RIMS2: variants seen among roughly 807,000 people sequenced by gnomAD.
RIMS2 encodes the protein regulating synaptic membrane exocytosis 2.
A neutral mutation model predicts 174.4 loss-of-function variants in RIMS2; 59 were observed. That is an observed-to-expected ratio of 0.34 (90% CI 0.27 to 0.42). The LOEUF (loss-of-function observed/expected upper bound fraction) is 0.42, where lower values mean the gene tolerates loss of function less well. Ranked by LOEUF, RIMS2 falls within the 10% of genes least tolerant of loss-of-function variation. RIMS2 has a pLI of 1.00. For synonymous variants in RIMS2, 606 were observed against 572.5 expected, an observed-to-expected ratio of 1.06 and a Z score of -0.84; for missense variants, 1,620 against 1,666.3, an observed-to-expected ratio of 0.97 and a Z score of 0.48.
At chr8:103,611,899 CCA>C (rs1244883904) in intron 1 of RIMS2, among the ~76,000 whole-genome samples, 4 of 151,920 alleles carry the variant, frequency 2.6e-5, no homozygotes, top group Non-Finnish European at 5.9e-5. Flanking sequence ...TTCTTTAAGG[CCA>C]ATGATTCTTA....
chr8:104,073,716 G>A (rs537225247), intron 19 of RIMS2, among the ~76,000 whole-genome samples: 1 of 152,256 alleles, frequency 6.6e-6, no homozygotes, highest in East Asian at 1.9e-4. Flanking sequence ...GGAAAAGAAA[G>A]TTTGTCTCCA....
chr8:103,641,161 G>C (rs1434088450), intron 1 of RIMS2, among the ~76,000 whole-genome samples: 1 of 151,942 alleles, frequency 6.6e-6, no homozygotes, highest in Non-Finnish European at 1.5e-5. Flanking sequence ...AATTAATGTG[G>C]ATACTCTAGC....
intron 1 of RIMS2, among the ~76,000 whole-genome samples, chr8:103,687,834 C>A (rs1380826958): frequency 2.6e-5 from 4 of 152,102 alleles, no homozygotes; most frequent in African/African-American, 9.7e-5. Context: ...TAACAAATGA[C>A]AGGACTTCTT....
At chr8:103,594,451 T>G (rs1042706255) in intron 1 of RIMS2, among the ~76,000 whole-genome samples, 12 of 151,668 alleles carry the variant, frequency 7.9e-5, no homozygotes, top group African/African-American at 2.9e-4. Flanking sequence ...AAGGCATGTT[T>G]AAACAGAAAC....
intron 19 of RIMS2, among the ~76,000 whole-genome samples, chr8:104,208,159 C>G (rs1164971646): frequency 1.3e-5 from 2 of 151,888 alleles, no homozygotes; most frequent in African/African-American, 2.4e-5. Context: ...ATATTCCTGG[C>G]CAGAGATATA....
intron 16 of RIMS2, chr8:103,976,285 G>A (rs900499120): frequency 2.0e-5 from 3 of 152,130 alleles, no homozygotes; most frequent in African/African-American, 7.2e-5. Context: ...CCTATGTAAC[G>A]AGAGTAAAAT....
chr8:104,233,145 T>C (rs1448049270), intron 19 of RIMS2, among the ~76,000 whole-genome samples: 1 of 152,196 alleles, frequency 6.6e-6, no homozygotes, highest in African/African-American at 2.4e-5. Context: ...TTTAACTTTT[T>C]CTGCAGATTT....
intron 1 of RIMS2, among the ~76,000 whole-genome samples, chr8:103,597,738 T>A (rs74498944): frequency 2.0e-5 from 3 of 148,300 alleles, no homozygotes; most frequent in African/African-American, 5.0e-5. Flanking sequence ...TTTTTTTTTT[T>A]ATTCACCTGC....
intron 19 of RIMS2, among the ~76,000 whole-genome samples, chr8:104,076,171 T>C (rs918372741): frequency 1.1e-4 from 17 of 152,312 alleles, no homozygotes; most frequent in African/African-American, 3.8e-4. Flanking sequence ...GGTAATCTTA[T>C]CAAGGCCTGA....
At chr8:103,793,920 A>G (rs1298088689) in intron 3 of RIMS2, among the ~76,000 whole-genome samples, 1 of 152,226 alleles carries the variant, frequency 6.6e-6, no homozygotes, top group Non-Finnish European at 1.5e-5. Flanking sequence ...CCACTGCTCA[A>G]CGAAATAAAA....
At chr8:103,838,274 T>C (rs891223095) in intron 3 of RIMS2, among the ~76,000 whole-genome samples, 1 of 152,078 alleles carries the variant, frequency 6.6e-6, no homozygotes, top group Non-Finnish European at 1.5e-5. Context: ...AAGCCAGCAA[T>C]AGCATATCAA....
intron 19 of RIMS2, among the ~76,000 whole-genome samples, chr8:104,108,827 A>G (rs1159109801): frequency 6.6e-6 from 1 of 152,156 alleles, no homozygotes; most frequent in African/African-American, 2.4e-5. Flanking sequence ...CTATTTCTGT[A>G]TACCACAGAG....
chr8:103,898,343 T>C (rs937256526), intron 4 of RIMS2, among the ~76,000 whole-genome samples: 1 of 151,666 alleles, frequency 6.6e-6, no homozygotes, highest in Non-Finnish European at 1.5e-5. Flanking sequence ...TATCAGTATG[T>C]CCTTTTGTCC....
chr8:103,721,741 A>G (rs1047172890), intron 2 of RIMS2, among the ~76,000 whole-genome samples: 1 of 152,168 alleles, frequency 6.6e-6, no homozygotes, highest in Non-Finnish European at 1.5e-5. Flanking sequence ...AATGAAATCT[A>G]TTTTCTTATC....
intron 4 of RIMS2, among the ~76,000 whole-genome samples, chr8:103,903,574 T>C (rs1443877826): frequency 6.6e-6 from 1 of 152,134 alleles, no homozygotes; most frequent in South Asian, 2.1e-4. Flanking sequence ...ACAATAGAAG[T>C]AAGTGAAGGG....
intron 1 of RIMS2, among the ~76,000 whole-genome samples, chr8:103,674,085 T>C (rs1243395152): frequency 1.3e-5 from 2 of 152,256 alleles, no homozygotes; most frequent in Non-Finnish European, 2.9e-5. Flanking sequence ...TGCTTAGGCA[T>C]AACATGCATG....
chr8:104,073,994 A>G (rs1200267439), intron 19 of RIMS2, among the ~76,000 whole-genome samples: 1 of 152,242 alleles, frequency 6.6e-6, no homozygotes, highest in East Asian at 1.9e-4. Context: ...ATGTTTGGTC[A>G]ATTAAAATGC....
intron 1 of RIMS2, among the ~76,000 whole-genome samples, chr8:103,643,483 G>A (rs1207670100): frequency 6.6e-6 from 1 of 152,074 alleles, no homozygotes; most frequent in African/African-American, 2.4e-5. Context: ...CTGGAGAAGG[G>A]TTATTCAGTA....
At chr8:104,122,364 GGA>G (rs1362559205) in intron 19 of RIMS2, among the ~76,000 whole-genome samples, 11 of 152,116 alleles carry the variant, frequency 7.2e-5, no homozygotes, top group African/African-American at 2.7e-4. Context: ...GTTTTTACCT[GGA>G]GCATGCAGAG....
Sources: gnomAD v4.1 joint callset for allele counts (sites outside exome capture counted in the v4.1 genomes callset) on GRCh38, gnomAD v4.1.1 for gene constraint, MANE v1.5 for transcripts, NCBI Gene and HGNC (gene_info 2026-07-23, HGNC 2026-07-21) for gene names.